The following STUM variants were observed in gnomAD, a reference collection of about 807,000 sequenced individuals.
STUM encodes the protein protein stum homolog.
Under a neutral mutation model 15.3 loss-of-function variants are expected in STUM, and 8 were observed. The observed-to-expected ratio is 0.52, with a 90% confidence interval of 0.31 to 0.94. The LOEUF (loss-of-function observed/expected upper bound fraction) is 0.94, where lower values mean the gene tolerates loss of function less well. STUM is among the 40% of genes least tolerant of loss of function. The pLI is 0.05. For missense variants in STUM, 142 were observed against 204.9 expected (o/e 0.69, Z 1.87); for synonymous variants, 78 against 88.7 (o/e 0.88, Z 0.68).
At chr1:226,563,239 C>G (rs1667570161) in intron 1 of STUM, among the ~76,000 whole-genome samples, 1 of 152,244 alleles carries the variant, frequency 6.6e-6, no homozygotes, top group Non-Finnish European at 1.5e-5. Flanking sequence ...CTACTGTACT[C>G]TAAGCCAGTC....
chr1:226,588,217 T>C (rs896605007), intron 1 of STUM, among the ~76,000 whole-genome samples: 21 of 152,282 alleles, frequency 1.4e-4, no homozygotes, highest in African/African-American at 4.8e-4. Context: ...CAAAACACTT[T>C]CTAGGGGAAT....
chr1:226,562,002 G>C (rs561882416), intron 1 of STUM, among the ~76,000 whole-genome samples: 4 of 151,548 alleles, frequency 2.6e-5, no homozygotes, highest in African/African-American at 7.3e-5. Context: ...TATGTCGGGT[G>C]GGGGGTGAGG....
chr1:226,595,661 T>G (rs1262125643), intron 1 of STUM, among the ~76,000 whole-genome samples: 3 of 152,226 alleles, frequency 2.0e-5, no homozygotes, highest in Non-Finnish European at 4.4e-5. Flanking sequence ...AAGTGGGTCC[T>G]GAATGCTATC....
At position 226,607,520 on chromosome 1, in the gene STUM, G is replaced by C. The variant is rs1232635111; in HGVS notation, c.*5480G>C. The C allele has an allele frequency of 6.6e-6, 1 of 152,302 alleles. No homozygotes were observed. The highest frequency in any genetic ancestry group is 1.5e-5 in the Non-Finnish European group (1 of 68,144). The allele number at this position is 152,302 out of a possible 1,614,324, so 9.4% of individuals were successfully genotyped here. On this transcript the variant is annotated 3_prime_UTR_variant, in exon 4 of 4. Coordinates refer to ENST00000366788, the MANE Select transcript of STUM (RefSeq NM_001003665.4). ...TTCTGTCAGAGCCAAGGGCTTGGAG[G>C]CCCAGCCCCATCCGGGCAAGGGCTG... is the stretch of plus-strand genomic sequence containing the variant.
chr1:226,556,071 A>G (rs1220997097), intron 1 of STUM, among the ~76,000 whole-genome samples: 7 of 152,206 alleles, frequency 4.6e-5, no homozygotes, highest in Non-Finnish European at 2.9e-5. Context: ...GCACATCTCA[A>G]TTTGGACCTG....
In STUM at chr1:226,600,720, C is replaced by T. The variant is rs199728841; in HGVS notation, c.391+46C>T. 2.1e-5 allele frequency: 33 copies of T among 1,604,880 alleles called. No homozygotes were observed. The African/African-American group carries it at 3.6e-4, about 18-fold the overall frequency. ...GCGGGCCTCGTGCTGCTGCTTGGGG[C>T]CCTCCCCTCCCCCGAGACCCCCACT... is the stretch of plus-strand genomic sequence containing the variant. On this transcript the variant is annotated intron_variant, in intron 3 of 3. Coordinates refer to ENST00000366788, the MANE Select transcript of STUM (RefSeq NM_001003665.4). This position sits in a 1 kb window ranked among gnomAD's most constrained non-coding sequence, Gnocchi z 5.2.
intron 1 of STUM, among the ~76,000 whole-genome samples, chr1:226,579,550 A>G (rs116451478): frequency 0.057 from 8,616 of 151,862 alleles, 267 homozygotes; most frequent in South Asian, 0.15. Context: ...GGGGCCGTGG[A>G]GGCCTCCCCA....
rs558579588 is a variant in STUM at position 226,605,406 on chromosome 1, C to T, written c.*3366C>T. 4 of 152,318 alleles carry T rather than the reference C, an allele frequency of 2.6e-5. No individual in the cohort carries two copies. Among genetic ancestry groups the T allele is most frequent in the Admixed American group, 1.3e-4 (2 of 15,276 alleles). The allele number at this position is 152,318 out of a possible 1,614,324, so 9.4% of individuals were successfully genotyped here. On this transcript the variant is annotated 3_prime_UTR_variant, in exon 4 of 4. Transcript: ENST00000366788. The surrounding 1 kb of genome is among the most constrained non-coding windows in gnomAD (Gnocchi z 4.0). ...GTTGGGCCGCCCCCACAGCCTGTGC[C>T]GTCCACACACTCACTACAGCACTCC...
rs1278491580 is a variant in STUM at position 226,548,930 on chromosome 1, AGAC to A, written c.28_30del (p.Thr10del). The A allele has an allele frequency of 2.1e-6, 3 of 1,443,802 alleles. No homozygotes were observed. Among genetic ancestry groups the A allele is most frequent in the East Asian group, 3.0e-5 (1 of 33,644 alleles). 89.4% of individuals were successfully genotyped at this position (1,443,802 alleles called of 1,614,324 possible). Reference sequence around the variant, plus strand: ...ATGGAGCCCTCGCACAAAGACGCCGAGACGGCGGCGGCGGCGGCGGCGGTGGCG... The same window carrying A: ...ATGGAGCCCTCGCACAAAGACGCCGAGGCGGCGGCGGCGGCGGCGGTGGCG... On this transcript the variant is annotated inframe_deletion, in exon 1 of 4. Coordinates refer to ENST00000366788, the MANE Select transcript of STUM (RefSeq NM_001003665.4).
chr1:226,593,528 G>A (rs1322016964), intron 1 of STUM, among the ~76,000 whole-genome samples: 3 of 152,168 alleles, frequency 2.0e-5, no homozygotes, highest in African/African-American at 7.2e-5. Flanking sequence ...TGATGAGTTT[G>A]CCCAGTACAC....
chr1:226,587,847 G>A (rs1668020974), intron 1 of STUM, among the ~76,000 whole-genome samples: 1 of 152,136 alleles, frequency 6.6e-6, no homozygotes, highest in South Asian at 2.1e-4. Context: ...GATCAAAGGT[G>A]GGTTATTGGC....
chr1:226,559,016 A>C (rs79557538), intron 1 of STUM, among the ~76,000 whole-genome samples: 1 of 152,328 alleles, frequency 6.6e-6, no homozygotes, highest in East Asian at 1.9e-4. Context: ...ATATTTTCCT[A>C]ATCAAAAGGT....
chr1:226,562,443 C>T lies in STUM; in HGVS notation c.202+13337C>T, dbSNP rs999543708. Among the ~76,000 whole-genome samples, 8 of 149,502 alleles carry T rather than the reference C, an allele frequency of 5.4e-5. No homozygotes were observed. The East Asian group carries it at 5.9e-4, about 11-fold the overall frequency. On this transcript the variant is annotated intron_variant, in intron 1 of 3. Transcript: ENST00000366788. The stretch of plus-strand genomic sequence containing the variant: ...GAGATTGTGCCACTGCACGCCCTCT[C>T]GAGCCTGGGCGACAGAGCAAGACTC...
intron 1 of STUM, among the ~76,000 whole-genome samples, chr1:226,573,363 A>G (rs74141941): frequency 0.037 from 5,619 of 152,280 alleles, 314 homozygotes; most frequent in African/African-American, 0.12. Flanking sequence ...CTTTCAGTTA[A>G]AAGTGTTAGA....
chr1:226,577,655 T>G (rs931275500), intron 1 of STUM, among the ~76,000 whole-genome samples: 1 of 152,116 alleles, frequency 6.6e-6, no homozygotes, highest in African/African-American at 2.4e-5. Context: ...CCAGGGCCAT[T>G]GTCTTCATGG....
At chr1:226,559,723 T>C (rs1275933804) in intron 1 of STUM, among the ~76,000 whole-genome samples, 11 of 152,164 alleles carry the variant, frequency 7.2e-5, no homozygotes, top group Admixed American at 5.9e-4. Context: ...CCTGTAATCC[T>C]AGCACTTTGG....
rs545941031 is a variant in STUM, at chr1:226,605,274, G to C, written c.*3234G>C. 1 of 152,382 alleles carries C rather than the reference G, an allele frequency of 6.6e-6. No homozygotes were observed. Among genetic ancestry groups the C allele is most frequent in the Non-Finnish European group, 1.5e-5 (1 of 68,192 alleles). 9.4% of individuals were successfully genotyped at this position (152,382 alleles called of 1,614,324 possible). A position where few individuals can be genotyped will look rare whatever the true frequency, so the allele number is the denominator to read the frequency against. The stretch of plus-strand genomic sequence containing the variant: ...TGCAGGGCATTTTAGCTCCTGGGAG[G>C]GGAGATGCCTTTGTGAGTTTCAGAT... On this transcript the variant is annotated 3_prime_UTR_variant, in exon 4 of 4. Coordinates refer to ENST00000366788, the MANE Select transcript of STUM (RefSeq NM_001003665.4). The surrounding 1 kb of genome is among the most constrained non-coding windows in gnomAD (Gnocchi z 4.0).
At chr1:226,553,542 A>G (rs1667402032) in intron 1 of STUM, among the ~76,000 whole-genome samples, 1 of 152,250 alleles carries the variant, frequency 6.6e-6, no homozygotes, top group Non-Finnish European at 1.5e-5. Flanking sequence ...TATGATGTAG[A>G]AGGCAAATGT....
At chr1:226,562,403 AG>A (rs1421422679) in intron 1 of STUM, among the ~76,000 whole-genome samples, 1 of 151,454 alleles carries the variant, frequency 6.6e-6, no homozygotes, top group Non-Finnish European at 1.5e-5. Context: ...CAGGAGGCAT[AG>A]GTTGCAGTGA....
Sources: allele counts gnomAD v4.1 joint callset (sites outside exome capture counted in the v4.1 genomes callset), GRCh38; gene constraint gnomAD v4.1.1; non-coding constraint Gnocchi (gnomAD v3.1); transcripts MANE v1.5; gene names NCBI Gene and HGNC (gene_info 2026-07-23, HGNC 2026-07-21).